Variants in B3GNT9 observed in about 807,000 individuals in gnomAD.
The protein encoded by B3GNT9 is BGnT-9.
For synonymous variants in B3GNT9, 359 were observed against 283.9 expected (o/e 1.26, Z -2.66); for missense variants, 669 against 599.2 (o/e 1.12, Z -1.22).
rs1265410453 is a variant in B3GNT9 at position 67,149,394 on chromosome 16, C to T, written c.1092G>A (p.Val364=). The T allele has an allele frequency of 1.9e-6, 3 of 1,603,252 alleles. No homozygotes were observed. The highest frequency in any genetic ancestry group is 1.1e-5 in the South Asian group (1 of 89,386). The change falls in exon 2 of 2, where the codon GTG becomes GTA. Residue 364 remains valine (V), a synonymous_variant. Transcript: ENST00000449549. The part of the protein sequence containing the change: ...DPCFYRELVV[V]HGLSAADIWL... ...AGATGTCAGCGGCCGAGAGCCCGTG[C>T]ACTACAACCAGCTCACGGTAAAAGC...
rs746618352 is a variant in B3GNT9, at chr16:67,149,271, G to C, written c.*6C>G. The stretch of plus-strand genomic sequence containing the variant: ...TGAGTTAGGAGCTTGGGGCTGTAGT[G>C]GGGAGCTAGGAGTCCCATTGGAAGG... On this transcript the variant is annotated 3_prime_UTR_variant, in exon 2 of 2. Transcript: ENST00000449549. 5 of 1,530,454 alleles carry C rather than the reference G, an allele frequency of 3.3e-6. No individual in the cohort carries two copies. Among genetic ancestry groups the C allele is most frequent in the Non-Finnish European group, 4.4e-6 (5 of 1,139,794 alleles). 94.8% of individuals were successfully genotyped at this position (1,530,454 alleles called of 1,614,324 possible). A position where few individuals can be genotyped will look rare whatever the true frequency, so the allele number is the denominator to read the frequency against.
intron 1 of B3GNT9, 67 bp downstream of exon 1, chr16:67,150,798 C>T (rs898088625): frequency 3.6e-6 from 1 of 281,276 alleles, no homozygotes; most frequent in Non-Finnish European, 6.6e-6. Context: ...GCCTCCCTCG[C>T]GCTGAGGCCG....
chr16:67,150,045 C>T lies in B3GNT9; in HGVS notation c.441G>A (p.Gly147=), dbSNP rs146483793. 10,692 of 1,501,652 alleles carry T rather than the reference C, an allele frequency of 7.1e-3. 48 individuals carry two copies. The highest frequency in any genetic ancestry group is 8.3e-3 in the Non-Finnish European group (9,338 of 1,127,492). The allele number at this position is 1,501,652 out of a possible 1,614,324, so 93.0% of individuals were successfully genotyped here. Residue 147 remains glycine (G), a synonymous_variant, in exon 2 of 2, where the codon GGG becomes GGA. Coordinates refer to ENST00000449549, the MANE Select transcript of B3GNT9 (RefSeq NM_033309.3). ...GCAAGAACACGCGGCGCACCAGCGC[C>T]CCCTGCACGCGACCCTCCGCGCCCC... is the stretch of plus-strand genomic sequence containing the variant. ...QTWGAEGRVQ[G]ALVRRVFLLG...
At position 67,149,254 on chromosome 16, in the gene B3GNT9, G is replaced by A; in HGVS notation, c.*23C>T. On this transcript the variant is annotated 3_prime_UTR_variant, in exon 2 of 2. Coordinates refer to ENST00000449549, the MANE Select transcript of B3GNT9 (RefSeq NM_033309.3). ...CGGCTCCATTCTGGGTCTGAGTTAGGAGCTTGGGGCTGTAGTGGGGAGCTA... is the reference window on the plus strand; with the variant it reads ...CGGCTCCATTCTGGGTCTGAGTTAGAAGCTTGGGGCTGTAGTGGGGAGCTA... 1 of 1,517,486 alleles carries A rather than the reference G, an allele frequency of 6.6e-7. No homozygotes were observed. 94.0% of individuals were successfully genotyped at this position (1,517,486 alleles called of 1,614,324 possible).
chr16:67,149,340 C>G lies in B3GNT9; in HGVS notation c.1146G>C (p.Pro382=), dbSNP rs757863139. Residue 382 remains proline, a synonymous_variant, in exon 2 of 2, where the codon CCG becomes CCC. Transcript: ENST00000449549. ...GTGGATGCGCACAGGCTGGCCCATG[C>G]GGCCCGTGCAGCAGGCGCCACATAA... is the stretch of plus-strand genomic sequence containing the variant. ...IWLMWRLLHG[P]HGPACAHPQP... The G allele has an allele frequency of 6.3e-7, 1 of 1,598,224 alleles. No individual in the cohort carries two copies. The highest frequency in any genetic ancestry group is 2.3e-5 in the East Asian group (1 of 44,412).
In B3GNT9 at chr16:67,149,939, G is replaced by A. The variant is rs751354044; in HGVS notation, c.547C>T (p.Arg183Trp). The A allele has an allele frequency of 4.4e-6, 7 of 1,581,446 alleles. No homozygotes were observed. The highest frequency in any genetic ancestry group is 1.1e-5 in the South Asian group (1 of 87,296). Residue 183 changes from arginine to tryptophan, a missense_variant, in exon 2 of 2, where the codon CGG (arginine) becomes TGG (tryptophan). Arg to Trp is a moderately radical substitution (Grantham distance 101, BLOSUM62 -3). Coordinates refer to ENST00000449549, the MANE Select transcript of B3GNT9 (RefSeq NM_033309.3). ...TCCGCATACGCAAGGCTCTCGGCCCGCAGCAGGGCGCGCCAGTGGGTTCGC... is the reference window on the plus strand; with the variant it reads ...TCCGCATACGCAAGGCTCTCGGCCCACAGCAGGGCGCGCCAGTGGGTTCGC... ...GARTHWRALL[R>W]AESLAYADIL...
chr16:67,148,149 CATAG>C lies in B3GNT9; in HGVS notation c.*1124_*1127del, dbSNP rs1178328678. 3 of 152,692 alleles carry C rather than the reference CATAG, an allele frequency of 2.0e-5. No individual in the cohort carries two copies. The highest frequency in any genetic ancestry group is 4.4e-5 in the Non-Finnish European group (3 of 68,046). The allele number at this position is 152,692 out of a possible 1,614,324, so 9.5% of individuals were successfully genotyped here. ...TATTTTGGTCTAGCAACTTGTGATA[CATAG>C]ATGACAATTTTGTGAGTTTTTCAAA... is the stretch of plus-strand genomic sequence containing the variant. On this transcript the variant is annotated 3_prime_UTR_variant, in exon 2 of 2. Coordinates refer to ENST00000449549, the MANE Select transcript of B3GNT9 (RefSeq NM_033309.3).
rs988960215 is a variant in B3GNT9, at chr16:67,149,509, A to C, written c.977T>G (p.Leu326Arg). ...AGGGTGAGGCTCGGGCGTGAGCCGC[A>C]GGCGCTGCAGACACATGCCCAGAAA... Reference protein sequence around the residue: ...DVFLGMCLQRLRLTPEPHPAF... With the variant: ...DVFLGMCLQRRRLTPEPHPAF... The change falls in exon 2 of 2, where the codon CTG (leucine) becomes CGG (arginine). Residue 326 changes from leucine (L) to arginine (R), a missense_variant. Coordinates refer to ENST00000449549, the MANE Select transcript of B3GNT9 (RefSeq NM_033309.3). The C allele has an allele frequency of 3.7e-6, 6 of 1,608,600 alleles. No individual in the cohort carries two copies. The highest frequency in any genetic ancestry group is 5.1e-6 in the Non-Finnish European group (6 of 1,177,820).
chr16:67,150,811 T>G, intron 1 of B3GNT9, 54 bp downstream of exon 1: 1 of 245,576 alleles, frequency 4.1e-6, no homozygotes. Flanking sequence ...TGAGGCCGAA[T>G]CCCTTCCACC....
In B3GNT9 at chr16:67,150,459, C is replaced by T; in HGVS notation, c.27G>A (p.Arg9=). The T allele has an allele frequency of 4.5e-6, 6 of 1,333,078 alleles. No individual in the cohort carries two copies. The highest frequency in any genetic ancestry group is 5.7e-6 in the Non-Finnish European group (6 of 1,044,270). The allele number at this position is 1,333,078 out of a possible 1,614,324, so 82.6% of individuals were successfully genotyped here. A position where few individuals can be genotyped will look rare whatever the true frequency, so the allele number is the denominator to read the frequency against. The change falls in exon 2 of 2, where the codon AGG becomes AGA. Residue 9 remains arginine (R), a synonymous_variant. Coordinates refer to ENST00000449549, the MANE Select transcript of B3GNT9 (RefSeq NM_033309.3). MRRRLRLR[R]DALLTLLLGA... is the part of the protein sequence containing the mutation. ...CAAGGAGCAGCGTGAGCAATGCGTC[C>T]CTGCGTAGGCGCAGCCTCCTCCTCA...
Position 67,149,380 on chromosome 16 carries a change from G to A in B3GNT9, c.1106C>T (p.Ala369Val). 6.2e-7 allele frequency: 1 copy of A among 1,602,604 alleles called. No homozygotes were observed. Among genetic ancestry groups the A allele is most frequent in the Non-Finnish European group, 8.5e-7 (1 of 1,174,798 alleles). ...RELVVVHGLSAADIWLMWRLL... is the reference protein window; with the variant it reads ...RELVVVHGLSVADIWLMWRLL... ...GCGCCACATAAGCCAGATGTCAGCGGCCGAGAGCCCGTGCACTACAACCAG... is the reference window on the plus strand; with the variant it reads ...GCGCCACATAAGCCAGATGTCAGCGACCGAGAGCCCGTGCACTACAACCAG... The change falls in exon 2 of 2, where the codon GCC becomes GTC. Residue 369 changes from alanine (A) to valine (V), a missense_variant. Physicochemically the swap from Ala to Val is moderately conservative, Grantham distance 64. Transcript: ENST00000449549.
rs950249280 is a variant in B3GNT9, at chr16:67,149,529, C to G, written c.957G>C (p.Leu319=). The part of the protein sequence containing the change: ...VELFPIDDVF[L]GMCLQRLRLT... ...GCCGCAGGCGCTGCAGACACATGCC[C>G]AGAAAGACGTCGTCGATGGGGAAGA... The change falls in exon 2 of 2, where the codon CTG becomes CTC. Residue 319 remains leucine (L), a synonymous_variant. Coordinates refer to ENST00000449549, the MANE Select transcript of B3GNT9 (RefSeq NM_033309.3). 1 of 1,609,620 alleles carries G rather than the reference C, an allele frequency of 6.2e-7. No homozygotes were observed.
chr16:67,149,597 C>T lies in B3GNT9; in HGVS notation c.889G>A (p.Ala297Thr), dbSNP rs1483570922. Residue 297 changes from alanine to threonine, a missense_variant, in exon 2 of 2, where the codon GCC becomes ACC. Ala to Thr is a moderately conservative substitution (Grantham distance 58, BLOSUM62 0). Coordinates refer to ENST00000449549, the MANE Select transcript of B3GNT9 (RefSeq NM_033309.3). ...AGGGGFVLSG[A>T]TLHRLAGACA... ...GCGCCAGCCAGGCGGTGCAGCGTGG[C>T]CCCGGAAAGCACAAAGCCACCGCCG... 3 of 1,598,674 alleles carry T rather than the reference C, an allele frequency of 1.9e-6. No homozygotes were observed. Among genetic ancestry groups the T allele is most frequent in the Non-Finnish European group, 2.6e-6 (3 of 1,173,210 alleles).
chr16:67,150,137 C>G lies in B3GNT9; in HGVS notation c.349G>C (p.Asp117His), dbSNP rs778440380. The change falls in exon 2 of 2, where the codon GAC becomes CAC. Residue 117 changes from aspartate (D) to histidine (H), a missense_variant. Coordinates refer to ENST00000449549, the MANE Select transcript of B3GNT9 (RefSeq NM_033309.3). ...ACCGACTTGACAGCAATAAGCAGGTCCGGGCGGCCACCGGGTGCGCCGTCG... is the reference window on the plus strand; with the variant it reads ...ACCGACTTGACAGCAATAAGCAGGTGCGGGCGGCCACCGGGTGCGCCGTCG... ...RGDGAPGGRP[D>H]LLIAVKSVAE... The G allele has an allele frequency of 2.0e-6, 3 of 1,521,910 alleles. No individual in the cohort carries two copies. Among genetic ancestry groups the G allele is most frequent in the African/African-American group, 1.4e-5 (1 of 69,332 alleles). The allele number at this position is 1,521,910 out of a possible 1,614,324, so 94.3% of individuals were successfully genotyped here. A position where few individuals can be genotyped will look rare whatever the true frequency, so the allele number is the denominator to read the frequency against.
rs2030433436 is a variant in B3GNT9 at position 67,150,419 on chromosome 16, G to C, written c.67C>G (p.Leu23Val). Reference protein sequence around the residue: ...LTLLLGASLGLLLYAQRDGAA... With the variant: ...LTLLLGASLGVLLYAQRDGAA... ...CCGTCGCGCTGCGCATAGAGTAAGA[G>C]GCCCAGGGAGGCGCCAAGGAGCAGC... Residue 23 changes from leucine (L) to valine (V), a missense_variant, in exon 2 of 2, where the codon CTC becomes GTC. By Grantham distance (32) the Leu-to-Val change is conservative (BLOSUM62 1). Coordinates refer to ENST00000449549, the MANE Select transcript of B3GNT9 (RefSeq NM_033309.3). The C allele has an allele frequency of 3.7e-6, 5 of 1,359,186 alleles. No individual in the cohort carries two copies. The highest frequency in any genetic ancestry group is 1.5e-5 in the African/African-American group (1 of 65,170). The allele number at this position is 1,359,186 out of a possible 1,614,324, so 84.2% of individuals were successfully genotyped here. A position where few individuals can be genotyped will look rare whatever the true frequency, so the allele number is the denominator to read the frequency against.
chr16:67,150,733 G>A (rs967376147), intron 1 of B3GNT9, 62 bp from the exon 2 acceptor site: 8 of 370,844 alleles, frequency 2.2e-5, no homozygotes, highest in East Asian at 7.7e-5. Flanking sequence ...TCCGGCCCAG[G>A]ACTGCGACCC....
rs767594917 is a variant in B3GNT9 at position 67,149,084 on chromosome 16, A to G, written c.*193T>C. The G allele has an allele frequency of 6.5e-6, 8 of 1,237,856 alleles. No individual in the cohort carries two copies. The South Asian group carries it at 1.6e-4, about 25-fold the overall frequency. 76.7% of individuals were successfully genotyped at this position (1,237,856 alleles called of 1,614,324 possible). ...CTACCACCCAGCCTTGGCTCGCTCA[A>G]AGGGTCACCATTACACGGGTTTCAA... On this transcript the variant is annotated 3_prime_UTR_variant, in exon 2 of 2. Transcript: ENST00000449549.
At position 67,150,499 on chromosome 16, in the gene B3GNT9, G is replaced by C. The variant is rs749983826; in HGVS notation, c.-14C>G. The stretch of plus-strand genomic sequence containing the variant: ...CCTCCTCCTCATCTCCGCGCGGCCT[G>C]CGCCCTCCCTCCCCTGTAAGGGTCG... On this transcript the variant is annotated 5_prime_UTR_variant, in exon 2 of 2. Coordinates refer to ENST00000449549, the MANE Select transcript of B3GNT9 (RefSeq NM_033309.3). The C allele has an allele frequency of 5.8e-5, 75 of 1,295,318 alleles. No homozygotes were observed. The highest frequency in any genetic ancestry group is 7.2e-5 in the Non-Finnish European group (74 of 1,023,460). 80.2% of individuals were successfully genotyped at this position (1,295,318 alleles called of 1,614,324 possible).
Position 67,149,157 on chromosome 16 carries a change from C to T in B3GNT9, c.*120G>A. 1 of 1,430,092 alleles carries T rather than the reference C, an allele frequency of 7.0e-7. No individual in the cohort carries two copies. 88.6% of individuals were successfully genotyped at this position (1,430,092 alleles called of 1,614,324 possible). A position where few individuals can be genotyped will look rare whatever the true frequency, so the allele number is the denominator to read the frequency against. On this transcript the variant is annotated 3_prime_UTR_variant, in exon 2 of 2. Transcript: ENST00000449549. ...CCAGGAGCCAAGCTTAACCCCCATC[C>T]CCTGGGATCCTGTGGAGACAGGCAC...
Sources: gnomAD v4.1 joint callset for allele counts on GRCh38, gnomAD v4.1.1 for gene constraint, MANE v1.5 for transcripts, NCBI Gene and HGNC (gene_info 2026-07-23, HGNC 2026-07-21) for gene names.